ASAP1: variants seen among roughly 807,000 people sequenced by gnomAD.
ASAP1 encodes arf-GAP with SH3 domain, ANK repeat and PH domain-containing protein 1.
In ASAP1, 43 loss-of-function variants were observed where a neutral mutation model predicts 145.2. The ratio of observed to expected loss-of-function variants is 0.30; its 90% CI spans 0.23 to 0.38. The LOEUF is 0.38. ASAP1 is among the 10% of genes least tolerant of loss of function. ASAP1 has a pLI of 1.00. For synonymous variants in ASAP1, 546 were observed against 515.5 expected (o/e 1.06, Z -0.80); for missense variants, 1,018 against 1,355.3 (o/e 0.75, Z 3.91).
At chr8:130,247,598 ATT>A (rs1818928697) in intron 3 of ASAP1, among the ~76,000 whole-genome samples, 1 of 152,080 alleles carries the variant, frequency 6.6e-6, no homozygotes, top group African/African-American at 2.4e-5. Context: ...TTTTCTTCCC[ATT>A]CCAGGAGGCT....
intron 28 of ASAP1, 97 bp from the exon 29 acceptor site, chr8:130,058,173 T>A: frequency 7.4e-7 from 1 of 1,358,204 alleles, no homozygotes; most frequent in Non-Finnish European, 1.0e-6. Flanking sequence ...GCCAGTAACT[T>A]AACCTCGCTG....
At chr8:130,135,189 G>A (rs2097591642) in intron 14 of ASAP1, among the ~76,000 whole-genome samples, 1 of 152,212 alleles carries the variant, frequency 6.6e-6, no homozygotes, top group African/African-American at 2.4e-5. Flanking sequence ...GAGACAATGT[G>A]TATGTCAAAG....
Position 130,328,303 on chromosome 8 carries a change from T to C in ASAP1, c.186+29714A>G, listed in dbSNP as rs566655695. 5.9e-5 allele frequency among the ~76,000 whole-genome samples: 9 copies of C among 152,334 alleles called. No individual in the cohort carries two copies. The South Asian group carries it at 1.9e-3, about 32-fold the overall frequency. ...GGCCAAGAGACCAAAGACTATGCTCTTAACCACTGTGACAAATAATACAGT... is the reference window on the plus strand; with the variant it reads ...GGCCAAGAGACCAAAGACTATGCTCCTAACCACTGTGACAAATAATACAGT... On this transcript the variant is annotated intron_variant, in intron 3 of 29. Coordinates refer to ENST00000518721, the MANE Select transcript of ASAP1 (RefSeq NM_018482.4).
intron 24 of ASAP1, among the ~76,000 whole-genome samples, chr8:130,111,238 C>T (rs904202800): frequency 1.0e-5 from 1 of 96,124 alleles, no homozygotes; most frequent in Non-Finnish European, 2.2e-5. Context: ...AAAAAAAAAG[C>T]TGGGCATGGT....
intron 5 of ASAP1, among the ~76,000 whole-genome samples, chr8:130,198,117 A>G (rs925821519): frequency 1.3e-5 from 2 of 150,752 alleles, no homozygotes; most frequent in Non-Finnish European, 3.0e-5. Context: ...AAATTTAACT[A>G]GGTTTATTTT....
rs1274982261 is a variant in ASAP1, at chr8:130,358,403, G to A, written c.60-260C>T. Among the ~76,000 whole-genome samples, 1 of 148,346 alleles carries A rather than the reference G, an allele frequency of 6.7e-6. No individual in the cohort carries two copies. Among genetic ancestry groups the A allele is most frequent in the Admixed American group, 6.7e-5 (1 of 14,960 alleles). Reference sequence around the variant, plus strand: ...GCGCGCGAGGCAGGGGGCTCTCCGGGACCCGCCTCCCTCTGCTCATGCCGG... The same window carrying A: ...GCGCGCGAGGCAGGGGGCTCTCCGGAACCCGCCTCCCTCTGCTCATGCCGG... On this transcript the variant is annotated intron_variant, in intron 2 of 29. Coordinates refer to ENST00000518721, the MANE Select transcript of ASAP1 (RefSeq NM_018482.4). The surrounding 1 kb of genome is among the most constrained non-coding windows in gnomAD (Gnocchi z 4.1).
intron 24 of ASAP1, among the ~76,000 whole-genome samples, chr8:130,094,169 G>C (rs188544405): frequency 1.2e-3 from 176 of 152,196 alleles, no homozygotes; most frequent in Middle Eastern, 0.01. Context: ...TTCAAAATGT[G>C]TTTATATATG....
chr8:130,058,203 TTGAAGG>T lies in ASAP1; in HGVS notation c.3193-133_3193-128del, dbSNP rs1404069680. On this transcript the variant is annotated intron_variant, in intron 28 of 29. Coordinates refer to ENST00000518721, the MANE Select transcript of ASAP1 (RefSeq NM_018482.4). ...TCGCTGAGCCTTGATTTCCTCACCC[TTGAAGG>T]GCGGGAAGAAGAGTGTCTGTCAGGC... The T allele has an allele frequency of 3.9e-6, 4 of 1,020,240 alleles. No homozygotes were observed. The African/African-American group carries it at 4.8e-5, about 12-fold the overall frequency. 63.2% of individuals were successfully genotyped at this position (1,020,240 alleles called of 1,614,324 possible).
chr8:130,343,021 G>A (rs1825483241), intron 3 of ASAP1, among the ~76,000 whole-genome samples: 1 of 152,340 alleles, frequency 6.6e-6, no homozygotes, highest in Admixed American at 6.5e-5. Flanking sequence ...TTCAGCTGGA[G>A]AAATGTCCTG....
chr8:130,108,271 G>C (rs1428512694), intron 24 of ASAP1, among the ~76,000 whole-genome samples: 2 of 152,192 alleles, frequency 1.3e-5, no homozygotes, highest in Admixed American at 1.3e-4. Flanking sequence ...ACATGCTATT[G>C]AGAAGGGCTA....
chr8:130,294,407 T>C (rs1822132294), intron 3 of ASAP1, among the ~76,000 whole-genome samples: 1 of 152,168 alleles, frequency 6.6e-6, no homozygotes, highest in African/African-American at 2.4e-5. Flanking sequence ...CCATTCAACA[T>C]ATACAGGTGA....
intron 24 of ASAP1, among the ~76,000 whole-genome samples, chr8:130,098,748 T>C (rs2097523509): frequency 6.6e-6 from 1 of 152,218 alleles, no homozygotes. Context: ...GGGTAGCTAA[T>C]ATCCATCATC....
chr8:130,222,309 C>A (rs975532583), intron 4 of ASAP1, among the ~76,000 whole-genome samples: 1 of 152,218 alleles, frequency 6.6e-6, no homozygotes, highest in East Asian at 1.9e-4. Context: ...AACCTCTGGA[C>A]TGGACTGCCT....
chr8:130,119,122 T>G (rs1592844768), intron 18 of ASAP1, among the ~76,000 whole-genome samples: 1 of 152,332 alleles, frequency 6.6e-6, no homozygotes, highest in African/African-American at 2.4e-5. Context: ...TTGTAAAATT[T>G]TTAAAAGGAT....
At chr8:130,378,785 T>C (rs1275962348) in intron 2 of ASAP1, among the ~76,000 whole-genome samples, 1 of 152,208 alleles carries the variant, frequency 6.6e-6, no homozygotes, top group African/African-American at 2.4e-5. Flanking sequence ...CAAATGCATA[T>C]TAGCAGTTCT....
intron 2 of ASAP1, among the ~76,000 whole-genome samples, chr8:130,363,550 T>A (rs1819684524): frequency 6.6e-6 from 1 of 152,180 alleles, no homozygotes; most frequent in African/African-American, 2.4e-5. Context: ...CTAAGGCTGC[T>A]GGGGTATAGA....
intron 24 of ASAP1, among the ~76,000 whole-genome samples, chr8:130,101,265 T>C (rs1358876248): frequency 6.6e-6 from 1 of 152,208 alleles, no homozygotes; most frequent in Non-Finnish European, 1.5e-5. Context: ...CTATTTGAAG[T>C]CTTTTGTGTT....
chr8:130,110,331 C>T (rs1420078226), intron 24 of ASAP1, among the ~76,000 whole-genome samples: 8 of 152,134 alleles, frequency 5.3e-5, no homozygotes, highest in Admixed American at 4.6e-4. Flanking sequence ...CTAGATAGGT[C>T]CCCACTGCTA....
At chr8:130,137,783 T>C (rs900087089) in intron 13 of ASAP1, among the ~76,000 whole-genome samples, 1 of 152,164 alleles carries the variant, frequency 6.6e-6, no homozygotes, top group Non-Finnish European at 1.5e-5. Flanking sequence ...AGTATCTAGA[T>C]AGTCACGCTA....
Sources: gnomAD v4.1 joint callset for allele counts (sites outside exome capture counted in the v4.1 genomes callset) on GRCh38, gnomAD v4.1.1 for gene constraint, Gnocchi (gnomAD v3.1) non-coding constraint, MANE v1.5 for transcripts, NCBI Gene and HGNC (gene_info 2026-07-23, HGNC 2026-07-21) for gene names.